PIEZO2: variants seen among roughly 807,000 people sequenced by gnomAD.
The protein encoded by PIEZO2 is piezo-type mechanosensitive ion channel component 2.
PIEZO2 carries 172 observed loss-of-function variants against 337.3 expected under a neutral mutation model. That is an observed-to-expected ratio of 0.51 (90% CI 0.45 to 0.58). The LOEUF is 0.58. Ranked by LOEUF, PIEZO2 falls within the 20% of genes least tolerant of loss-of-function variation. PIEZO2 has a pLI of 0.00. For missense variants in PIEZO2, 3,028 were observed against 3,391.3 expected (o/e 0.89, Z 2.66); for synonymous variants, 1,251 against 1,228.5 (o/e 1.02, Z -0.38).
rs183146458 is a variant in PIEZO2, at chr18:10,693,430, C to T, written c.7191-2047G>A. 1.4e-4 allele frequency among the ~76,000 whole-genome samples: 21 copies of T among 151,738 alleles called. No individual in the cohort carries two copies. In the East Asian group the frequency reaches 3.7e-3, roughly 27 times the overall value. On this transcript the variant is annotated intron_variant, in intron 47 of 55. Transcript: ENST00000674853. ...TGTCACCCAGGCTGGAGTGCAGCAG[C>T]GCAATCTCAGCTCACTGCAACTTCT...
chr18:11,113,766 T>C (rs2865139), intron 1 of PIEZO2, among the ~76,000 whole-genome samples: 134,534 of 152,278 alleles, frequency 0.88, 59,623 homozygotes, highest in African/African-American at 0.95. Context: ...AACGCAGGCC[T>C]TCCTGGCCAC....
At chr18:10,849,173 C>T (rs1252100320) in intron 7 of PIEZO2, among the ~76,000 whole-genome samples, 1 of 146,860 alleles carries the variant, frequency 6.8e-6, no homozygotes, top group African/African-American at 2.7e-5. Context: ...GCACCACGCC[C>T]AGCTCATTTT....
rs2034331695 is a variant in PIEZO2, at chr18:10,973,721, CG to C, written c.286+5813del. Among the ~76,000 whole-genome samples, 1 of 151,974 alleles carries C rather than the reference CG, an allele frequency of 6.6e-6. No homozygotes were observed. The highest frequency in any genetic ancestry group is 1.5e-5 in the Non-Finnish European group (1 of 67,992). On this transcript the variant is annotated intron_variant, in intron 3 of 55. Transcript: ENST00000674853. This position sits in a 1 kb window ranked among gnomAD's most constrained non-coding sequence, Gnocchi z 4.9. ...GTTAGGGAATGGAAAGAGAAGGGGACGGGGCAAGGTGAGGAACCCAAGCCTC... is the reference window on the plus strand; with the variant it reads ...GTTAGGGAATGGAAAGAGAAGGGGACGGGCAAGGTGAGGAACCCAAGCCTC...
rs564867814 is a variant in PIEZO2 at position 10,773,442 on chromosome 18, C to T, written c.2755G>A (p.Glu919Lys). The T allele has an allele frequency of 5.7e-4, 880 of 1,537,410 alleles. 10 individuals carry two copies. Among genetic ancestry groups the T allele is most frequent in the South Asian group, 5.2e-3 (435 of 84,064 alleles). ...GTTTCTTCCTCCTCCTCGGATTCCT[C>T]CTCTTCCTCTCCGTCCTCCTCTGAC... is the stretch of plus-strand genomic sequence containing the variant. The part of the protein sequence containing the change: ...EESEEDGEEE[E>K]ESEEEEETSD... Residue 919 changes from glutamate to lysine, a missense_variant, in exon 20 of 56, where the codon GAG becomes AAG. Glu to Lys is a moderately conservative substitution (Grantham distance 56). Around this residue, in one of 5 missense-constraint regions of PIEZO2, gnomAD observed 1,925 missense variants for 2,051.9 expected, o/e 0.94. Coordinates refer to ENST00000674853, the MANE Select transcript of PIEZO2 (RefSeq NM_001378183.1). The surrounding 1 kb of genome is among the most constrained non-coding windows in gnomAD (Gnocchi z 5.3).
At chr18:10,689,554 G>A in intron 49 of PIEZO2, 101 bp downstream of exon 49, 1 of 1,498,600 alleles carries the variant, frequency 6.7e-7, no homozygotes. Flanking sequence ...GGTAGTTTTT[G>A]CCTCATGCCT....
intron 7 of PIEZO2, among the ~76,000 whole-genome samples, chr18:10,838,435 G>A (rs566148271): frequency 3.9e-5 from 6 of 152,354 alleles, no homozygotes; most frequent in African/African-American, 9.6e-5. Context: ...CCTGGGCTCT[G>A]CATCATGCTT....
chr18:10,765,819 T>C (rs898900314), intron 21 of PIEZO2, among the ~76,000 whole-genome samples: 2 of 151,810 alleles, frequency 1.3e-5, no homozygotes, highest in African/African-American at 4.8e-5. Context: ...CTGAGGAACA[T>C]GCTGAGGAAG....
rs2038699161 is a variant in PIEZO2 at position 10,774,015 on chromosome 18, T to C, written c.2558A>G (p.His853Arg). The C allele has an allele frequency of 1.4e-6, 1 of 702,822 alleles. No homozygotes were observed. Among genetic ancestry groups the C allele is most frequent in the Admixed American group, 2.0e-5 (1 of 49,990 alleles). 43.5% of individuals were successfully genotyped at this position (702,822 alleles called of 1,614,324 possible). A position where few individuals can be genotyped will look rare whatever the true frequency, so the allele number is the denominator to read the frequency against. Residue 853 changes from histidine (H) to arginine (R), a missense_variant, in exon 19 of 56, where the codon CAC becomes CGC. This residue lies in a region of PIEZO2 where 1,925 missense variants were observed against 2,051.9 expected (regional missense o/e 0.94). Transcript: ENST00000674853. ...INSIKKKLPI[H>R]QNELAHPEGS... ...TCACAGGGGGACTTACTCATTTTGGTGGATTGGTAATTTTTTCTTGATGCT... is the reference window on the plus strand; with the variant it reads ...TCACAGGGGGACTTACTCATTTTGGCGGATTGGTAATTTTTTCTTGATGCT...
At position 10,821,593 on chromosome 18, in the gene PIEZO2, C is replaced by G. The variant is rs370294267; in HGVS notation, c.918-14319G>C. Among the ~76,000 whole-genome samples the G allele has an allele frequency of 3.3e-5, 5 of 152,298 alleles. No homozygotes were observed. In the East Asian group the frequency reaches 7.7e-4, roughly 23 times the overall value. On this transcript the variant is annotated intron_variant, in intron 7 of 55. Coordinates refer to ENST00000674853, the MANE Select transcript of PIEZO2 (RefSeq NM_001378183.1). The surrounding 1 kb of genome is among the most constrained non-coding windows in gnomAD (Gnocchi z 4.2). ...ATAATTACATCTTGCCTTATTTTCT[C>G]TCTTCTTACCTCATTTCAGATACAA...
Position 10,774,044 on chromosome 18 carries a change from C to CA in PIEZO2, c.2535-7dup, listed in dbSNP as rs2038700280. ...TTGGTAATTTTTTCTTGATGCTGCTCATAGTAATTGAAATAGAAAGGAAAA... is the reference window on the plus strand; with the variant it reads ...TTGGTAATTTTTTCTTGATGCTGCTCAATAGTAATTGAAATAGAAAGGAAAA... On this transcript the variant is annotated splice_region_variant and splice_polypyrimidine_tract_variant and intron_variant, in intron 18 of 55. Transcript: ENST00000674853. 1.4e-6 allele frequency: 1 copy of CA among 702,640 alleles called. No homozygotes were observed. The highest frequency in any genetic ancestry group is 1.7e-5 in the African/African-American group (1 of 57,162). 43.5% of individuals were successfully genotyped at this position (702,640 alleles called of 1,614,324 possible). A position where few individuals can be genotyped will look rare whatever the true frequency, so the allele number is the denominator to read the frequency against.
chr18:10,705,875 T>A, intron 40 of PIEZO2, 129 bp from the exon 41 acceptor site: 1 of 1,173,010 alleles, frequency 8.5e-7, no homozygotes, highest in Non-Finnish European at 1.2e-6. Flanking sequence ...GCATTCCATC[T>A]GCTTTGTTCT....
At chr18:10,675,587 G>C (rs779802488) in intron 53 of PIEZO2, among the ~76,000 whole-genome samples, 11 of 152,158 alleles carry the variant, frequency 7.2e-5, no homozygotes, top group Non-Finnish European at 1.5e-4. Flanking sequence ...TGAAGCCAAG[G>C]GGCACTGTTT....
intron 2 of PIEZO2, among the ~76,000 whole-genome samples, chr18:10,997,737 A>G (rs2035378192): frequency 6.6e-6 from 1 of 152,188 alleles, no homozygotes; most frequent in Admixed American, 6.6e-5. Flanking sequence ...ACAGAGAGCA[A>G]AAGATTGAAA....
intron 2 of PIEZO2, among the ~76,000 whole-genome samples, chr18:10,987,890 T>A (rs2145533759): frequency 6.6e-6 from 1 of 152,226 alleles, no homozygotes; most frequent in African/African-American, 2.4e-5. Context: ...CCTGAATAGA[T>A]ATTTCTCCAA....
chr18:10,816,580 C>A (rs2040369725), intron 7 of PIEZO2, among the ~76,000 whole-genome samples: 1 of 152,026 alleles, frequency 6.6e-6, no homozygotes, highest in African/African-American at 2.4e-5. Context: ...ATTATGCTTA[C>A]AAAACAATAG....
intron 4 of PIEZO2, among the ~76,000 whole-genome samples, chr18:10,904,355 T>A (rs922926723): frequency 6.6e-6 from 1 of 152,242 alleles, no homozygotes; most frequent in African/African-American, 2.4e-5. Flanking sequence ...TGTGCAATCT[T>A]GGGTAAAATA....
Position 10,672,880 on chromosome 18 carries a change from G to T in PIEZO2, c.8162-7C>A. On this transcript the variant is annotated splice_region_variant and splice_polypyrimidine_tract_variant and intron_variant, in intron 54 of 55. Transcript: ENST00000674853. The surrounding 1 kb of genome is among the most constrained non-coding windows in gnomAD (Gnocchi z 4.7). ...ATATCCATGAAATTATTTTCTAGAA[G>T]GGTAGAAATGCAAAATTAAGTTGAC... 1 of 1,583,438 alleles carries T rather than the reference G, an allele frequency of 6.3e-7. No homozygotes were observed. The highest frequency in any genetic ancestry group is 1.2e-5 in the South Asian group (1 of 86,832).
intron 3 of PIEZO2, among the ~76,000 whole-genome samples, chr18:10,920,543 C>T (rs2031325273): frequency 1.3e-5 from 2 of 152,112 alleles, no homozygotes; most frequent in African/African-American, 4.8e-5. Flanking sequence ...CTCAGACACA[C>T]AGCCTTCATG....
At chr18:11,090,272 T>C (rs1422205829) in intron 1 of PIEZO2, among the ~76,000 whole-genome samples, 1 of 148,402 alleles carries the variant, frequency 6.7e-6, no homozygotes, top group African/African-American at 2.5e-5. Context: ...AAGAAAGAAA[T>C]AAAAGAGAGA....
Sources: allele counts gnomAD v4.1 joint callset (sites outside exome capture counted in the v4.1 genomes callset), GRCh38; gene constraint gnomAD v4.1.1; regional missense constraint gnomAD v4.1.1; non-coding constraint Gnocchi (gnomAD v3.1); transcripts MANE v1.5; gene names NCBI Gene and HGNC (gene_info 2026-07-23, HGNC 2026-07-21).